VRK2: variants seen among roughly 807,000 people sequenced by gnomAD.
VRK2 encodes serine/threonine-protein kinase VRK2.
A neutral mutation model predicts 57.6 loss-of-function variants in VRK2; 60 were observed. The observed-to-expected ratio is 1.04, with a 90% CI of 0.85 to 1.29. The LOEUF (loss-of-function observed/expected upper bound fraction) is 1.29. Ranked by LOEUF, VRK2 falls within the 50% of genes most tolerant of loss-of-function variation. VRK2 has a pLI of 0.00. For missense variants in VRK2, 705 were observed against 588.1 expected (o/e 1.20, Z -2.06); for synonymous variants, 231 against 199.2 (o/e 1.16, Z -1.35).
intron 1 of VRK2, among the ~76,000 whole-genome samples, chr2:57,918,606 C>T (rs936096735): frequency 6.6e-6 from 1 of 152,042 alleles, no homozygotes; most frequent in Non-Finnish European, 1.5e-5. Context: ...GTGAGTGGGA[C>T]AAGTCTGGGA....
chr2:58,073,814 G>T (rs1669689763), intron 2 of VRK2, among the ~76,000 whole-genome samples: 2 of 151,846 alleles, frequency 1.3e-5, no homozygotes. Context: ...GATGTTCGAG[G>T]GCAGGAAGCA....
At chr2:57,909,306 C>T (rs992407607) in intron 1 of VRK2, among the ~76,000 whole-genome samples, 1 of 152,100 alleles carries the variant, frequency 6.6e-6, no homozygotes, top group Non-Finnish European at 1.5e-5. Flanking sequence ...ATAAACCACC[C>T]ACCTATTATT....
intron 1 of VRK2, among the ~76,000 whole-genome samples, chr2:57,923,675 T>C (rs1237477543): frequency 6.6e-6 from 1 of 152,044 alleles, no homozygotes; most frequent in Non-Finnish European, 1.5e-5. Context: ...TTCCATTCTG[T>C]GGGTTGTCTC....
Position 58,114,244 on chromosome 2 carries a change from A to T in VRK2, c.544-8857A>T, listed in dbSNP as rs148809797. Among the ~76,000 whole-genome samples, 430 of 152,304 alleles carry T rather than the reference A, an allele frequency of 2.8e-3. 1 individual carries two copies. Among genetic ancestry groups the T allele is most frequent in the African/African-American group, 1.0e-2 (415 of 41,538 alleles). ...TAAGGAGATTCACCATAGTCCTGCC[A>T]GCAAAGATTATTTATTTACTTCAAG... On this transcript the variant is annotated intron_variant, in intron 7 of 12. Coordinates refer to ENST00000340157, the MANE Select transcript of VRK2 (RefSeq NM_006296.7).
At chr2:57,933,129 G>A (rs939443145) in intron 1 of VRK2, among the ~76,000 whole-genome samples, 11 of 151,850 alleles carry the variant, frequency 7.2e-5, no homozygotes, top group African/African-American at 2.4e-4. Flanking sequence ...GTATGCCTAA[G>A]AAGAATATGT....
intron 1 of VRK2, among the ~76,000 whole-genome samples, chr2:57,911,197 A>C (rs1178751629): frequency 1.3e-5 from 2 of 152,154 alleles, no homozygotes; most frequent in Non-Finnish European, 2.9e-5. Context: ...GTTTGGATTA[A>C]GATCCTCAGA....
intron 1 of VRK2, among the ~76,000 whole-genome samples, chr2:57,958,485 A>G (rs1671656700): frequency 6.6e-6 from 1 of 151,678 alleles, no homozygotes; most frequent in African/African-American, 2.4e-5. Flanking sequence ...ACACACATAT[A>G]TCATATATGT....
chr2:58,082,749 A>C (rs1207876345), intron 2 of VRK2, among the ~76,000 whole-genome samples: 1 of 151,860 alleles, frequency 6.6e-6, no homozygotes, highest in Non-Finnish European at 1.5e-5. Flanking sequence ...TTTAAGTGCT[A>C]TAAGTAAGTT....
At chr2:57,935,804 A>G (rs1016299538) in intron 1 of VRK2, among the ~76,000 whole-genome samples, 5 of 152,200 alleles carry the variant, frequency 3.3e-5, no homozygotes, top group Admixed American at 3.3e-4. Flanking sequence ...GTCATTAGAG[A>G]AACTGCAGAC....
chr2:58,047,057 GC>G (rs1674884765), intron 1 of VRK2, 189 bp downstream of exon 1: 1 of 864,978 alleles, frequency 1.2e-6, no homozygotes. Context: ...TTTTTTCCCC[GC>G]TGGGAGTGAG....
intron 1 of VRK2, among the ~76,000 whole-genome samples, chr2:58,014,329 C>A (rs547063824): frequency 1.3e-5 from 2 of 152,126 alleles, no homozygotes; most frequent in African/African-American, 4.8e-5. Flanking sequence ...AATACAATGT[C>A]CTTTCTGCTA....
chr2:57,957,459 C>T (rs1014420163), intron 1 of VRK2, among the ~76,000 whole-genome samples: 4 of 151,674 alleles, frequency 2.6e-5, no homozygotes, highest in East Asian at 3.9e-4. Flanking sequence ...GATAAGGCTA[C>T]GATCAGTGAT....
intron 1 of VRK2, chr2:57,907,948 T>A (rs919468738): frequency 2.0e-5 from 3 of 152,116 alleles, no homozygotes; most frequent in African/African-American, 7.2e-5. Context: ...AGTCAGAACA[T>A]GATAATCCAA....
chr2:58,084,523 A>G (rs1671344096), intron 3 of VRK2, among the ~76,000 whole-genome samples: 1 of 151,890 alleles, frequency 6.6e-6, no homozygotes, highest in African/African-American at 2.4e-5. Context: ...TGAGTGGACC[A>G]CAAGGAGAGT....
intron 1 of VRK2, among the ~76,000 whole-genome samples, chr2:58,002,804 T>C (rs1350051524): frequency 2.0e-5 from 3 of 152,198 alleles, no homozygotes; most frequent in Non-Finnish European, 2.9e-5. Context: ...CAATGCCTCT[T>C]TTCAGACATT....
In VRK2 at chr2:58,015,082, AT is replaced by A. The variant is rs200496038; in HGVS notation, c.-438-10575del. On this transcript the variant is annotated intron_variant, in intron 1 of 15. Transcript: ENST00000417641. ...GCACTAATACAGAAGTTATACAATC[AT>A]TTTTTTTATCCTGGTAGTGGCTATA... 3.5e-4 allele frequency among the ~76,000 whole-genome samples: 53 copies of A among 152,096 alleles called. No individual in the cohort carries two copies. The South Asian group carries it at 9.5e-3, about 27-fold the overall frequency.
chr2:58,074,593 A>C (rs1305432302), intron 2 of VRK2, among the ~76,000 whole-genome samples: 3 of 152,134 alleles, frequency 2.0e-5, no homozygotes, highest in African/African-American at 7.2e-5. Context: ...CTCTTGCTGT[A>C]ATTCATTTCA....
At chr2:58,063,762 C>T (rs554197945) in intron 2 of VRK2, among the ~76,000 whole-genome samples, 1 of 152,224 alleles carries the variant, frequency 6.6e-6, no homozygotes, top group South Asian at 2.1e-4. Flanking sequence ...CGTAAGGCTT[C>T]AGCTGCCATA....
intron 1 of VRK2, among the ~76,000 whole-genome samples, chr2:57,942,031 G>T (rs2717039): frequency 0.3 from 45,214 of 152,060 alleles, 7,939 homozygotes; most frequent in East Asian, 0.41. Context: ...GCACTGCTGT[G>T]ATGGGCCTTC....
Sources: gnomAD v4.1 joint callset for allele counts (sites outside exome capture counted in the v4.1 genomes callset) on GRCh38, gnomAD v4.1.1 for gene constraint, MANE v1.5 for transcripts, NCBI Gene and HGNC (gene_info 2026-07-23, HGNC 2026-07-21) for gene names.